Variants in CACNA2D3 observed in about 807,000 individuals in gnomAD.
CACNA2D3 encodes the protein calcium voltage-gated channel auxiliary subunit alpha2delta 3.
In CACNA2D3, 60 loss-of-function variants were observed where a neutral mutation model predicts 160.6. That is an observed-to-expected ratio of 0.37 (90% confidence interval 0.30 to 0.46). The LOEUF (loss-of-function observed/expected upper bound fraction) is 0.46, where lower values mean the gene tolerates loss of function less well. Ranked by LOEUF, CACNA2D3 falls within the 20% of genes least tolerant of loss-of-function variation. The probability of loss-of-function intolerance (pLI) is 1.00; values close to 1 mark genes in which losing one functional copy is unlikely to be tolerated. For missense variants in CACNA2D3, 1,205 were observed against 1,365.0 expected, an observed-to-expected ratio of 0.88 and a Z score of 1.85; for synonymous variants, 558 against 492.9, an observed-to-expected ratio of 1.13 and a Z score of -1.75.
At chr3:54,188,088 T>C (rs1559876169) in intron 2 of CACNA2D3, among the ~76,000 whole-genome samples, 1 of 152,188 alleles carries the variant, frequency 6.6e-6, no homozygotes, top group Admixed American at 6.5e-5. Flanking sequence ...CCCAACCAGC[T>C]GCTCAGAACA....
At chr3:54,829,885 CTTTTTTTTTTTTTTT>C (rs58291013) in intron 14 of CACNA2D3, among the ~76,000 whole-genome samples, 6 of 64,310 alleles carry the variant, frequency 9.3e-5, no homozygotes, top group Admixed American at 2.0e-4. Context: ...TCTTCTTCAT[CTTTTTTTTTTTTTTT>C]TTTTTTTTTT....
At chr3:54,468,666 T>C (rs559437804) in intron 4 of CACNA2D3, among the ~76,000 whole-genome samples, 2 of 152,218 alleles carry the variant, frequency 1.3e-5, no homozygotes, top group African/African-American at 4.8e-5. Flanking sequence ...TCCAGCAAGC[T>C]AAGGTCCACT....
intron 11 of CACNA2D3, among the ~76,000 whole-genome samples, chr3:54,712,985 G>T (rs73070493): frequency 0.059 from 9,055 of 152,188 alleles, 339 homozygotes; most frequent in African/African-American, 0.092. Context: ...GACATCATGG[G>T]GACAGGGGTA....
At chr3:54,478,660 G>GTGTATGTATATATATATATATATATATA in intron 4 of CACNA2D3, among the ~76,000 whole-genome samples, 4 of 36,374 alleles carry the variant, frequency 1.1e-4, no homozygotes, top group African/African-American at 2.9e-4. Flanking sequence ...ATATGTGTGT[G>GTGTATGTATATATATATATATATATATA]TATATATATA....
chr3:54,952,906 CT>C (rs1416394111), intron 27 of CACNA2D3, among the ~76,000 whole-genome samples: 1 of 152,122 alleles, frequency 6.6e-6, no homozygotes, highest in Non-Finnish European at 1.5e-5. Flanking sequence ...GTCTGGCTTA[CT>C]TGTCTTCCAG....
intron 27 of CACNA2D3, among the ~76,000 whole-genome samples, chr3:54,924,428 C>T (rs1443494233): frequency 6.6e-6 from 1 of 152,130 alleles, no homozygotes; most frequent in Admixed American, 6.5e-5. Flanking sequence ...AGATTAATTT[C>T]GAACCTGAAT....
chr3:54,712,348 A>G (rs1298870061), intron 11 of CACNA2D3, among the ~76,000 whole-genome samples: 2 of 152,122 alleles, frequency 1.3e-5, no homozygotes, highest in Non-Finnish European at 2.9e-5. Flanking sequence ...GGAGAGTAAT[A>G]TGGTTTGGCT....
At chr3:54,584,573 A>T (rs1384710876) in intron 9 of CACNA2D3, among the ~76,000 whole-genome samples, 2 of 152,324 alleles carry the variant, frequency 1.3e-5, no homozygotes, top group South Asian at 2.1e-4. Context: ...ATTACATCAA[A>T]GTCATAGGAG....
At chr3:54,721,590 G>A (rs568992245) in intron 11 of CACNA2D3, among the ~76,000 whole-genome samples, 1 of 151,678 alleles carries the variant, frequency 6.6e-6, no homozygotes, top group Non-Finnish European at 1.5e-5. Flanking sequence ...GTGAAACCCC[G>A]TCTCTACTAA....
intron 2 of CACNA2D3, among the ~76,000 whole-genome samples, chr3:54,157,168 T>C (rs1700259101): frequency 6.6e-6 from 1 of 152,210 alleles, no homozygotes; most frequent in Non-Finnish European, 1.5e-5. Context: ...GTCTTTCCCC[T>C]GTGTGCATGT....
At chr3:54,793,829 A>G (rs1702810742) in intron 13 of CACNA2D3, among the ~76,000 whole-genome samples, 2 of 152,186 alleles carry the variant, frequency 1.3e-5, no homozygotes, top group Non-Finnish European at 2.9e-5. Flanking sequence ...GTTTGTTAGA[A>G]TTCATTAATG....
intron 2 of CACNA2D3, among the ~76,000 whole-genome samples, chr3:54,187,720 A>G (rs936261876): frequency 2.0e-5 from 3 of 152,186 alleles, no homozygotes; most frequent in Non-Finnish European, 4.4e-5. Flanking sequence ...GTTCCGTCTC[A>G]GATCATCAGG....
At chr3:54,321,830 A>T (rs1017380948) in intron 3 of CACNA2D3, among the ~76,000 whole-genome samples, 1 of 151,164 alleles carries the variant, frequency 6.6e-6, no homozygotes, top group African/African-American at 2.4e-5. Context: ...TTCTTTATGC[A>T]TATGAAAGCA....
At chr3:54,196,754 T>C (rs558312176) in intron 2 of CACNA2D3, among the ~76,000 whole-genome samples, 2 of 152,362 alleles carry the variant, frequency 1.3e-5, no homozygotes, top group South Asian at 4.1e-4. Flanking sequence ...TGAATGTCTT[T>C]GGAGATGGCA....
intron 4 of CACNA2D3, among the ~76,000 whole-genome samples, chr3:54,394,821 A>G (rs2106683609): frequency 2.0e-5 from 1 of 49,976 alleles, no homozygotes; most frequent in Admixed American, 2.8e-4. Context: ...TCCTTTGGGT[A>G]TATACCCAGT....
At chr3:54,234,068 AACAG>A (rs1398445495) in intron 2 of CACNA2D3, among the ~76,000 whole-genome samples, 1 of 152,188 alleles carries the variant, frequency 6.6e-6, no homozygotes, top group Non-Finnish European at 1.5e-5. Flanking sequence ...CAAAAGAGAA[AACAG>A]ACAACCTGCA....
chr3:54,584,683 A>G (rs1020660991), intron 9 of CACNA2D3, among the ~76,000 whole-genome samples: 1 of 152,250 alleles, frequency 6.6e-6, no homozygotes, highest in Non-Finnish European at 1.5e-5. Context: ...TCAAAAGGTT[A>G]TGCAAACTCC....
intron 27 of CACNA2D3, among the ~76,000 whole-genome samples, chr3:54,921,458 T>C (rs12496572): frequency 0.43 from 65,795 of 151,936 alleles, 15,522 homozygotes; most frequent in East Asian, 0.75. Flanking sequence ...GAAATATTAA[T>C]CATACAATCT....
chr3:54,577,492 A>G (rs774036328), intron 8 of CACNA2D3, among the ~76,000 whole-genome samples: 3 of 152,202 alleles, frequency 2.0e-5, no homozygotes, highest in Non-Finnish European at 2.9e-5. Flanking sequence ...GGCCAAGGAC[A>G]CATGCCCCTG....
Sources: allele counts gnomAD v4.1 joint callset (sites outside exome capture counted in the v4.1 genomes callset), GRCh38; gene constraint gnomAD v4.1.1; transcripts MANE v1.5; gene names NCBI Gene and HGNC (gene_info 2026-07-23, HGNC 2026-07-21).